RABGAP1L: variants seen among roughly 807,000 people sequenced by gnomAD.
The protein encoded by RABGAP1L is rab GTPase-activating protein 1-like.
In RABGAP1L, 63 loss-of-function variants were observed where a neutral mutation model predicts 137.7. The observed-to-expected ratio is 0.46, with a 90% CI of 0.37 to 0.56. RABGAP1L has a LOEUF of 0.56. Ranked by LOEUF, RABGAP1L falls within the 20% of genes least tolerant of loss-of-function variation. The pLI, the probability that RABGAP1L is intolerant of heterozygous loss-of-function variation, is 0.00. For missense variants in RABGAP1L, 1,095 were observed against 1,244.0 expected (o/e 0.88, Z 1.80); for synonymous variants, 431 against 433.7 (o/e 0.99, Z 0.08).
rs1420084974 is a variant in RABGAP1L at position 174,989,767 on chromosome 1, C to T, written c.3004-82C>T. ...AATTGGCAGCACATACCTTGAGACT[C>T]CAAAAAGCTGCACACTTTTATTTAT... On this transcript the variant is annotated intron_variant, in intron 25 of 25. Transcript: ENST00000681986. 7 of 1,449,660 alleles carry T rather than the reference C, an allele frequency of 4.8e-6. No individual in the cohort carries two copies. The African/African-American group carries it at 1.0e-4, about 21-fold the overall frequency. 89.8% of individuals were successfully genotyped at this position (1,449,660 alleles called of 1,614,324 possible).
intron 19 of RABGAP1L, among the ~76,000 whole-genome samples, chr1:174,909,059 G>C (rs1383989004): frequency 6.6e-6 from 1 of 151,048 alleles, no homozygotes; most frequent in Non-Finnish European, 1.5e-5. Flanking sequence ...TGCGCCTGTA[G>C]TCCCAGCTAA....
chr1:174,523,127 G>A (rs1663573402), intron 13 of RABGAP1L, among the ~76,000 whole-genome samples: 1 of 152,172 alleles, frequency 6.6e-6, no homozygotes, highest in South Asian at 2.1e-4. Flanking sequence ...GACCAGAAGA[G>A]TTTTCTATGC....
chr1:174,276,638 T>A (rs1232663499), intron 9 of RABGAP1L, among the ~76,000 whole-genome samples: 1 of 152,164 alleles, frequency 6.6e-6, no homozygotes, highest in Non-Finnish European at 1.5e-5. Context: ...TAGTTTTTCA[T>A]TTATTAATTA....
chr1:174,430,183 A>C (rs975241133), intron 13 of RABGAP1L, among the ~76,000 whole-genome samples: 1 of 151,926 alleles, frequency 6.6e-6, no homozygotes, highest in Admixed American at 6.6e-5. Context: ...TCAGGATGAG[A>C]CCAGCCTGGG....
intron 13 of RABGAP1L, among the ~76,000 whole-genome samples, chr1:174,510,127 C>G (rs1662193319): frequency 1.3e-5 from 2 of 152,172 alleles, no homozygotes; most frequent in South Asian, 2.1e-4. Flanking sequence ...TAATCTAAGA[C>G]CAGAATTTTT....
chr1:174,385,053 C>A (rs1009400784), intron 12 of RABGAP1L, among the ~76,000 whole-genome samples: 6 of 152,074 alleles, frequency 3.9e-5, no homozygotes, highest in Non-Finnish European at 8.8e-5. Context: ...TTGATTTAGC[C>A]ATTTTAAAAA....
intron 14 of RABGAP1L, among the ~76,000 whole-genome samples, chr1:174,641,538 A>G (rs774460995): frequency 3.9e-5 from 6 of 152,100 alleles, no homozygotes; most frequent in Non-Finnish European, 8.8e-5. Flanking sequence ...TGTCTTTCCT[A>G]TTGGTTAGGT....
At chr1:174,252,902 T>A (rs1209579160) in intron 7 of RABGAP1L, among the ~76,000 whole-genome samples, 5 of 152,226 alleles carry the variant, frequency 3.3e-5, no homozygotes, top group Admixed American at 3.3e-4. Flanking sequence ...CACTTTCGAT[T>A]ACTCTTCCAC....
At chr1:174,374,520 A>T (rs1000783435) in intron 12 of RABGAP1L, among the ~76,000 whole-genome samples, 1 of 126,984 alleles carries the variant, frequency 7.9e-6, no homozygotes, top group African/African-American at 4.2e-5. Context: ...AACAGCTCCT[A>T]GATATCAATA....
intron 19 of RABGAP1L, among the ~76,000 whole-genome samples, chr1:174,841,138 C>T (rs1026792374): frequency 2.0e-5 from 3 of 151,924 alleles, no homozygotes; most frequent in African/African-American, 7.3e-5. Flanking sequence ...GAAAGAAAAC[C>T]CAAATAAAAT....
chr1:174,311,126 A>G (rs1194794881), intron 11 of RABGAP1L, among the ~76,000 whole-genome samples: 6 of 152,102 alleles, frequency 3.9e-5, no homozygotes, highest in Non-Finnish European at 7.4e-5. Flanking sequence ...ACTACCCAAG[A>G]TTGGGTAATT....
intron 18 of RABGAP1L, among the ~76,000 whole-genome samples, chr1:174,808,405 G>A (rs1403233035): frequency 2.6e-5 from 4 of 152,088 alleles, no homozygotes; most frequent in Non-Finnish European, 5.9e-5. Context: ...AGTGAGCTAT[G>A]ATTGCACCAT....
At chr1:174,305,443 T>G (rs1415864945) in intron 11 of RABGAP1L, among the ~76,000 whole-genome samples, 2 of 152,154 alleles carry the variant, frequency 1.3e-5, no homozygotes, top group Non-Finnish European at 2.9e-5. Context: ...TGGAGTGCAG[T>G]GGAAAATCTC....
At chr1:174,170,094 A>C (rs1665229586) in intron 1 of RABGAP1L, among the ~76,000 whole-genome samples, 1 of 152,238 alleles carries the variant, frequency 6.6e-6, no homozygotes, top group African/African-American at 2.4e-5. Context: ...AAGTAACTAC[A>C]AACATTTTTG....
intron 13 of RABGAP1L, among the ~76,000 whole-genome samples, chr1:174,610,410 A>G (rs1671123786): frequency 6.6e-6 from 1 of 151,650 alleles, no homozygotes; most frequent in Non-Finnish European, 1.5e-5. Flanking sequence ...GCTGCATAGT[A>G]TTCCATGGTG....
In RABGAP1L at chr1:174,752,410, A is replaced by G. The variant is rs1453909212; in HGVS notation, c.2211+56A>G. 4 of 1,274,548 alleles carry G rather than the reference A, an allele frequency of 3.1e-6. No homozygotes were observed. In the Admixed American group the frequency reaches 9.5e-5, roughly 30 times the overall value. The allele number at this position is 1,274,548 out of a possible 1,614,324, so 79.0% of individuals were successfully genotyped here. A position where few individuals can be genotyped will look rare whatever the true frequency, so the allele number is the denominator to read the frequency against. ...CATTCTCTTACCTCTTTGCCCTTGG[A>G]ACTGGAATAATTCAATTTACAGTCT... On this transcript the variant is annotated intron_variant, in intron 18 of 25. Coordinates refer to ENST00000681986, the MANE Select transcript of RABGAP1L (RefSeq NM_001366446.1).
chr1:174,952,874 G>A (rs977925410), intron 19 of RABGAP1L, among the ~76,000 whole-genome samples: 1 of 151,902 alleles, frequency 6.6e-6, no homozygotes, highest in African/African-American at 2.4e-5. Flanking sequence ...ATAGGCATGA[G>A]CCACCACACC....
intron 20 of RABGAP1L, among the ~76,000 whole-genome samples, chr1:174,962,737 C>CT (rs1312477021): frequency 2.1e-5 from 3 of 141,260 alleles, no homozygotes; most frequent in African/African-American, 9.7e-5. Context: ...AGGGAGTAGA[C>CT]TTTTTAAAAA....
intron 13 of RABGAP1L, among the ~76,000 whole-genome samples, chr1:174,583,850 A>G (rs1052250273): frequency 1.3e-5 from 2 of 152,236 alleles, no homozygotes; most frequent in Non-Finnish European, 2.9e-5. Flanking sequence ...TGGTATAGAT[A>G]ATATCTAATC....
Sources: allele counts gnomAD v4.1 joint callset (sites outside exome capture counted in the v4.1 genomes callset), GRCh38; gene constraint gnomAD v4.1.1; transcripts MANE v1.5; gene names NCBI Gene and HGNC (gene_info 2026-07-23, HGNC 2026-07-21).